Variants in PHACTR3 observed in about 807,000 individuals in gnomAD.
PHACTR3 encodes the protein protein phosphatase 1, regulatory subunit 123.
PHACTR3 carries 16 observed loss-of-function variants against 66.8 expected under a neutral mutation model. That is an observed-to-expected ratio of 0.24 (90% CI 0.16 to 0.36). PHACTR3 has a LOEUF of 0.36. Ranked by LOEUF, PHACTR3 falls within the 10% of genes least tolerant of loss-of-function variation. PHACTR3 has a pLI of 1.00. For missense variants in PHACTR3, 647 were observed against 719.9 expected, an observed-to-expected ratio of 0.90 and a Z score of 1.16; for synonymous variants, 323 against 292.1, an observed-to-expected ratio of 1.11 and a Z score of -1.08.
intron 1 of PHACTR3, among the ~76,000 whole-genome samples, chr20:59,631,229 G>A (rs1235027158): frequency 1.3e-5 from 2 of 152,210 alleles, no homozygotes; most frequent in African/African-American, 4.8e-5. Context: ...GATAAAGTCT[G>A]GTCCGGTGCC....
chr20:59,670,990 G>T (rs553641818), intron 1 of PHACTR3, among the ~76,000 whole-genome samples: 1 of 152,136 alleles, frequency 6.6e-6, no homozygotes, highest in African/African-American at 2.4e-5. Flanking sequence ...GCTCATGTGC[G>T]CATGCTTTCT....
chr20:59,712,662 C>A (rs1314419419), intron 1 of PHACTR3, among the ~76,000 whole-genome samples: 3 of 152,174 alleles, frequency 2.0e-5, no homozygotes, highest in African/African-American at 7.2e-5. Flanking sequence ...ACTGAAAACA[C>A]ATTTGTTATG....
chr20:59,785,069 C>G (rs1049641787), intron 7 of PHACTR3, among the ~76,000 whole-genome samples: 2 of 152,146 alleles, frequency 1.3e-5, no homozygotes, highest in Non-Finnish European at 2.9e-5. Flanking sequence ...GAGGCTCAGG[C>G]AGGAGGGGAT....
At chr20:59,643,391 T>C (rs2035173125) in intron 1 of PHACTR3, among the ~76,000 whole-genome samples, 1 of 152,176 alleles carries the variant, frequency 6.6e-6, no homozygotes, top group African/African-American at 2.4e-5. Context: ...CTTAAGGAAG[T>C]AGTGTTGGGG....
chr20:59,656,010 C>T (rs2035610075), intron 1 of PHACTR3, among the ~76,000 whole-genome samples: 1 of 151,778 alleles, frequency 6.6e-6, no homozygotes, highest in Admixed American at 6.6e-5. Flanking sequence ...AGAAATTATA[C>T]TTTTTATGAT....
At chr20:59,592,743 C>T (rs929812564) in intron 1 of PHACTR3, among the ~76,000 whole-genome samples, 1 of 152,204 alleles carries the variant, frequency 6.6e-6, no homozygotes, top group Non-Finnish European at 1.5e-5. Flanking sequence ...GTTGGAATCA[C>T]ACAGTGTGTG....
intron 1 of PHACTR3, among the ~76,000 whole-genome samples, chr20:59,700,748 C>T (rs184063752): frequency 1.7e-4 from 26 of 152,244 alleles, no homozygotes; most frequent in Admixed American, 3.3e-4. Flanking sequence ...GTTCACGTTT[C>T]CATGCTCTGT....
At chr20:59,742,970 C>A in intron 1 of PHACTR3, 137 bp from the exon 2 acceptor site, 1 of 1,004,036 alleles carries the variant, frequency 1.0e-6, no homozygotes, top group Non-Finnish European at 1.5e-6. Flanking sequence ...GGGTGCACTG[C>A]TGGACAACCA....
chr20:59,707,035 A>G (rs1601151013), intron 1 of PHACTR3, among the ~76,000 whole-genome samples: 1 of 152,198 alleles, frequency 6.6e-6, no homozygotes, highest in Non-Finnish European at 1.5e-5. Flanking sequence ...GTACAGGAAA[A>G]AAAATAGTCC....
At chr20:59,629,876 C>T (rs2034603985) in intron 1 of PHACTR3, among the ~76,000 whole-genome samples, 1 of 152,200 alleles carries the variant, frequency 6.6e-6, no homozygotes, top group Admixed American at 6.5e-5. Flanking sequence ...AGGAAGCACC[C>T]AACTCCCCGT....
intron 1 of PHACTR3, among the ~76,000 whole-genome samples, chr20:59,674,737 TC>T (rs1184481058): frequency 1.6e-5 from 1 of 63,110 alleles, no homozygotes; most frequent in Admixed American, 2.2e-4. Flanking sequence ...CTCCTCCTGT[TC>T]CCCCCTTCTC....
chr20:59,617,581 A>T (rs1190653605), intron 1 of PHACTR3, among the ~76,000 whole-genome samples: 3 of 151,860 alleles, frequency 2.0e-5, no homozygotes, highest in Non-Finnish European at 2.9e-5. Context: ...TGATGTTTGC[A>T]TCTTGCCTGG....
intron 8 of PHACTR3, among the ~76,000 whole-genome samples, chr20:59,827,350 G>A (rs1475341746): frequency 6.6e-6 from 1 of 152,156 alleles, no homozygotes; most frequent in Admixed American, 6.5e-5. Context: ...TGCAGAGGGT[G>A]AAGGACTCAT....
chr20:59,811,544 AGC>A (rs2041736395), intron 8 of PHACTR3, among the ~76,000 whole-genome samples: 1 of 152,168 alleles, frequency 6.6e-6, no homozygotes, highest in Non-Finnish European at 1.5e-5. Context: ...CTGTAGTCCA[AGC>A]TACTCAGGAG....
chr20:59,599,721 G>A (rs551504937), upstream of PHACTR3, among the ~76,000 whole-genome samples: 3 of 151,582 alleles, frequency 2.0e-5, no homozygotes, highest in African/African-American at 7.3e-5. Flanking sequence ...AAACCCTGGA[G>A]GTATCCTTGA....
At chr20:59,601,035 A>G (rs955656043), upstream of PHACTR3, among the ~76,000 whole-genome samples, 1 of 151,846 alleles carries the variant, frequency 6.6e-6, no homozygotes, top group African/African-American at 2.4e-5. Flanking sequence ...TTTTTAGTAT[A>G]TTTACAGAGT....
At chr20:59,762,849 T>C (rs1400248177) in intron 4 of PHACTR3, among the ~76,000 whole-genome samples, 1 of 152,176 alleles carries the variant, frequency 6.6e-6, no homozygotes, top group Non-Finnish European at 1.5e-5. Context: ...TGGGTATTTC[T>C]GAGAAATATT....
At chr20:59,731,602 A>G (rs1342899168) in intron 1 of PHACTR3, among the ~76,000 whole-genome samples, 3 of 152,202 alleles carry the variant, frequency 2.0e-5, no homozygotes, top group African/African-American at 4.8e-5. Flanking sequence ...TGGCAGTACT[A>G]TAGGGTTGAT....
At chr20:59,756,129 A>C (rs1461465825) in intron 4 of PHACTR3, among the ~76,000 whole-genome samples, 1 of 152,132 alleles carries the variant, frequency 6.6e-6, no homozygotes, top group Non-Finnish European at 1.5e-5. Context: ...GAAGGGAGGA[A>C]GGATAGAGGG....
Sources: allele counts gnomAD v4.1 joint callset (sites outside exome capture counted in the v4.1 genomes callset), GRCh38; gene constraint gnomAD v4.1.1; transcripts MANE v1.5; gene names NCBI Gene and HGNC (gene_info 2026-07-23, HGNC 2026-07-21).